Variants in PBX1 observed in about 807,000 individuals in gnomAD.
The protein encoded by PBX1 is PBX homeobox 1, also known as pre-B-cell leukemia transcription factor 1.
Under a neutral mutation model 53.4 loss-of-function variants are expected in PBX1, and 6 were observed. That is an observed-to-expected ratio of 0.11 (90% confidence interval 0.06 to 0.22). PBX1 has a LOEUF of 0.22. Ranked by LOEUF, PBX1 falls within the 10% of genes least tolerant of loss-of-function variation. The pLI is 1.00. For missense variants in PBX1, 251 were observed against 551.4 expected, an observed-to-expected ratio of 0.46 and a Z score of 5.46; for synonymous variants, 204 against 212.3, an observed-to-expected ratio of 0.96 and a Z score of 0.34.
intron 2 of PBX1, among the ~76,000 whole-genome samples, chr1:164,754,375 T>A (rs1666393320): frequency 6.6e-6 from 1 of 152,218 alleles, no homozygotes; most frequent in Non-Finnish European, 1.5e-5. Context: ...GGAGAACCTT[T>A]ATCATTTCTG....
chr1:164,777,952 A>G (rs187369683), intron 2 of PBX1, among the ~76,000 whole-genome samples: 2 of 152,350 alleles, frequency 1.3e-5, no homozygotes, highest in Admixed American at 6.5e-5. Context: ...TACATTATAT[A>G]TACCTTTGAC....
At chr1:164,798,396 C>A (rs1668893822) in intron 3 of PBX1, among the ~76,000 whole-genome samples, 1 of 152,184 alleles carries the variant, frequency 6.6e-6, no homozygotes, top group Non-Finnish European at 1.5e-5. Flanking sequence ...TATAGTTTTA[C>A]AGTATTGCTT....
At chr1:164,689,387 A>G (rs189487339) in intron 2 of PBX1, among the ~76,000 whole-genome samples, 1 of 152,072 alleles carries the variant, frequency 6.6e-6, no homozygotes, top group Non-Finnish European at 1.5e-5. Context: ...TAGGACATTA[A>G]TATGGGTTTA....
At chr1:164,837,999 G>A (rs1477377237) in intron 8 of PBX1, among the ~76,000 whole-genome samples, 1 of 152,142 alleles carries the variant, frequency 6.6e-6, no homozygotes, top group East Asian at 1.9e-4. Context: ...ATAAAGCTAA[G>A]AAGGAGCCAG....
intron 2 of PBX1, among the ~76,000 whole-genome samples, chr1:164,658,296 A>G (rs1660283003): frequency 6.6e-6 from 1 of 152,204 alleles, no homozygotes; most frequent in South Asian, 2.1e-4. Flanking sequence ...CAGTAAAGCA[A>G]GTGCTGCCAT....
intron 2 of PBX1, among the ~76,000 whole-genome samples, chr1:164,613,760 G>A (rs1026888335): frequency 3.9e-5 from 6 of 152,032 alleles, no homozygotes; most frequent in African/African-American, 1.4e-4. Flanking sequence ...AGAGTGTCTT[G>A]AGGTAGAAAC....
At chr1:164,613,043 C>A (rs1398139927) in intron 2 of PBX1, among the ~76,000 whole-genome samples, 1 of 152,076 alleles carries the variant, frequency 6.6e-6, no homozygotes, top group South Asian at 2.1e-4. Context: ...ATGAGAATTT[C>A]CTGAACAACA....
intron 2 of PBX1, among the ~76,000 whole-genome samples, chr1:164,866,517 A>G (rs1210943886): frequency 6.6e-6 from 1 of 152,250 alleles, no homozygotes; most frequent in Non-Finnish European, 1.5e-5. Context: ...GACATTCTCT[A>G]TTGATAATCT....
At position 164,641,571 on chromosome 1, in the gene PBX1, T is replaced by C. The variant is rs529764366; in HGVS notation, c.265+78260T>C. ...GCAGCTTATGGTGTAGCTTCAGGTC[T>C]GGCCTGACTCAGTGGCCTTCCCTCA... On this transcript the variant is annotated intron_variant, in intron 2 of 8. Coordinates refer to ENST00000420696, the MANE Select transcript of PBX1 (RefSeq NM_002585.4). 4.6e-5 allele frequency: 7 copies of C among 152,422 alleles called. No homozygotes were observed. The East Asian group carries it at 1.3e-3, about 29-fold the overall frequency. 9.4% of individuals were successfully genotyped at this position (152,422 alleles called of 1,614,324 possible).
At chr1:164,694,557 G>T (rs1662696356) in intron 2 of PBX1, among the ~76,000 whole-genome samples, 1 of 152,162 alleles carries the variant, frequency 6.6e-6, no homozygotes, top group South Asian at 2.1e-4. Context: ...TAACTGCCCG[G>T]CAAGCATCTC....
At chr1:164,690,126 C>T (rs1662375772) in intron 2 of PBX1, among the ~76,000 whole-genome samples, 1 of 152,188 alleles carries the variant, frequency 6.6e-6, no homozygotes, top group African/African-American at 2.4e-5. Flanking sequence ...TTACATGCAT[C>T]CTGACCGGCT....
intron 1 of PBX1, among the ~76,000 whole-genome samples, chr1:164,561,116 G>T (rs1235961841): frequency 6.6e-6 from 1 of 152,192 alleles, no homozygotes; most frequent in Admixed American, 6.5e-5. Flanking sequence ...ACATATGTCT[G>T]TACAATTACC....
chr1:164,837,402 C>T lies in PBX1; in HGVS notation c.1201-9182C>T, dbSNP rs181709219. Among the ~76,000 whole-genome samples, 27 of 152,240 alleles carry T rather than the reference C, an allele frequency of 1.8e-4. No homozygotes were observed. In the East Asian group the frequency reaches 5.0e-3, roughly 28 times the overall value. On this transcript the variant is annotated intron_variant, in intron 8 of 8. Coordinates refer to ENST00000420696, the MANE Select transcript of PBX1 (RefSeq NM_002585.4). ...GCTTTATGAGGAAGCTTTATGCTTCCTCTTTTCTAGTGTAGCTACTCTTTT... is the reference window on the plus strand; with the variant it reads ...GCTTTATGAGGAAGCTTTATGCTTCTTCTTTTCTAGTGTAGCTACTCTTTT...
intron 8 of PBX1, among the ~76,000 whole-genome samples, chr1:164,837,119 T>G (rs1671075495): frequency 6.6e-6 from 1 of 152,114 alleles, no homozygotes; most frequent in Non-Finnish European, 1.5e-5. Flanking sequence ...GCCTCAAAAT[T>G]TACCCCACGA....
chr1:164,603,929 A>ATTTCATTTTT (rs1656369037), intron 2 of PBX1, among the ~76,000 whole-genome samples: 16 of 75,760 alleles, frequency 2.1e-4, no homozygotes, highest in African/African-American at 9.9e-4. Flanking sequence ...ATGTCATTTC[A>ATTTCATTTTT]TTTTTTTTTT....
chr1:164,673,465 C>CTTT (rs1171916726), intron 2 of PBX1, among the ~76,000 whole-genome samples: 6,710 of 109,250 alleles, frequency 0.061, 366 homozygotes, highest in East Asian at 0.087. Flanking sequence ...AAATTACTAA[C>CTTT]TTTTTTTTTT....
intron 2 of PBX1, among the ~76,000 whole-genome samples, chr1:164,611,659 G>A (rs1156674005): frequency 6.6e-6 from 1 of 151,826 alleles, no homozygotes; most frequent in Non-Finnish European, 1.5e-5. Context: ...CCTGGACTTT[G>A]CCATCCAATG....
At chr1:164,794,685 G>A in intron 3 of PBX1, among the ~76,000 whole-genome samples, 1 of 152,152 alleles carries the variant, frequency 6.6e-6, no homozygotes, top group South Asian at 2.1e-4. Context: ...ACCTAAAAGG[G>A]TAATTATGGA....
chr1:164,808,188 C>T (rs574079233), intron 5 of PBX1, among the ~76,000 whole-genome samples: 4 of 152,230 alleles, frequency 2.6e-5, no homozygotes, highest in South Asian at 2.1e-4. Flanking sequence ...CATGTCACTG[C>T]GATTACATTG....
Sources: gnomAD v4.1 joint callset for allele counts (sites outside exome capture counted in the v4.1 genomes callset) on GRCh38, gnomAD v4.1.1 for gene constraint, MANE v1.5 for transcripts, NCBI Gene and HGNC (gene_info 2026-07-23, HGNC 2026-07-21) for gene names.